The following IGHMBP2 variants were observed in gnomAD, a reference collection of about 807,000 sequenced individuals.
The protein encoded by IGHMBP2 is immunoglobulin mu DNA binding protein 2.
In IGHMBP2, 81 loss-of-function variants were observed where a neutral mutation model predicts 96.0. That is an observed-to-expected ratio of 0.84 (90% CI 0.71 to 1.01). The LOEUF (loss-of-function observed/expected upper bound fraction) is 1.01. IGHMBP2 is among the 50% of genes least tolerant of loss of function. The pLI is 0.00. For missense variants in IGHMBP2, 1,227 were observed against 1,306.3 expected, an observed-to-expected ratio of 0.94 and a Z score of 0.94; for synonymous variants, 557 against 548.9, an observed-to-expected ratio of 1.01 and a Z score of -0.21.
chr11:68,920,983 G>A (rs1858854319), intron 7 of IGHMBP2, among the ~76,000 whole-genome samples: 1 of 152,106 alleles, frequency 6.6e-6, no homozygotes, highest in African/African-American at 2.4e-5. Context: ...TCCTTTTAGA[G>A]ATGGGGTCTT....
chr11:68,909,164 AT>A (rs1417147181), intron 4 of IGHMBP2, among the ~76,000 whole-genome samples: 1 of 86,118 alleles, frequency 1.2e-5, no homozygotes, highest in Non-Finnish European at 2.0e-5. Context: ...AGTTAAAAAA[AT>A]TTTTTTTTGG....
chr11:68,908,889 G>T, intron 4 of IGHMBP2, among the ~76,000 whole-genome samples: 1 of 148,432 alleles, frequency 6.7e-6, no homozygotes, highest in African/African-American at 2.5e-5. Context: ...TGCCCAGGCT[G>T]GAGTGCAGTG....
intron 8 of IGHMBP2, chr11:68,930,042 C>G (rs907329508): frequency 2.6e-5 from 29 of 1,128,066 alleles, no homozygotes; most frequent in Non-Finnish European, 2.7e-5. Context: ...CCTCGCTGGC[C>G]CCTCTGCCTG....
rs1422328127 is a variant in IGHMBP2 at position 68,914,104 on chromosome 11, CT to C, written c.712-716del. 3.3e-5 allele frequency among the ~76,000 whole-genome samples: 5 copies of C among 152,242 alleles called. No homozygotes were observed. In the East Asian group the frequency reaches 7.7e-4, roughly 24 times the overall value. On this transcript the variant is annotated intron_variant, in intron 5 of 14. Coordinates refer to ENST00000255078, the MANE Select transcript of IGHMBP2 (RefSeq NM_002180.3). ...TGTAGTGGTCTGGTGATTTTCAGAT[CT>C]TTGATATTTTTTTGAGAGGCCTCAA... is the stretch of plus-strand genomic sequence containing the variant.
chr11:68,906,728 C>T (rs1386285720), intron 2 of IGHMBP2, among the ~76,000 whole-genome samples: 10 of 150,426 alleles, frequency 6.6e-5, no homozygotes, highest in South Asian at 6.3e-4. Flanking sequence ...CTGCAACCTC[C>T]GCCTCCGGGG....
At chr11:68,914,418 C>T (rs753504014) in intron 5 of IGHMBP2, among the ~76,000 whole-genome samples, 41 of 152,226 alleles carry the variant, frequency 2.7e-4, no homozygotes, top group Admixed American at 6.5e-4. Flanking sequence ...GGGAGTGGCT[C>T]GCTTCTTCAG....
chr11:68,920,592 C>G (rs1046076745), intron 7 of IGHMBP2, among the ~76,000 whole-genome samples: 1 of 152,212 alleles, frequency 6.6e-6, no homozygotes, highest in Admixed American at 6.5e-5. Context: ...AAGTGATTCT[C>G]CCACCTCAGC....
intron 4 of IGHMBP2, 38 bp from the exon 5 acceptor site, chr11:68,911,402 C>T: frequency 1.2e-6 from 2 of 1,608,922 alleles, no homozygotes; most frequent in Non-Finnish European, 1.7e-6. Flanking sequence ...CAGAGCTCCC[C>T]AGAGCACCTG....
intron 6 of IGHMBP2, among the ~76,000 whole-genome samples, chr11:68,916,805 A>T (rs912831871): frequency 6.6e-6 from 1 of 151,940 alleles, no homozygotes; most frequent in Non-Finnish European, 1.5e-5. Flanking sequence ...TGGTGGAGGA[A>T]TATGCATGAT....
In IGHMBP2 at chr11:68,938,410, C is replaced by G. The variant is rs1594458709; in HGVS notation, c.2784+56C>G. On this transcript the variant is annotated intron_variant, in intron 14 of 14. Coordinates refer to ENST00000255078, the MANE Select transcript of IGHMBP2 (RefSeq NM_002180.3). The stretch of plus-strand genomic sequence containing the variant: ...AGTGGGGAGGGGTGGTGGGTTCCGT[C>G]TCCAGGAAGCAGACCCTGGGCAGAC... 7.4e-6 allele frequency: 11 copies of G among 1,489,940 alleles called. No homozygotes were observed. In the East Asian group the frequency reaches 2.7e-4, roughly 37 times the overall value. 92.3% of individuals were successfully genotyped at this position (1,489,940 alleles called of 1,614,324 possible).
chr11:68,915,094 A>G, intron 6 of IGHMBP2, 71 bp downstream of exon 6: 1 of 1,133,716 alleles, frequency 8.8e-7, no homozygotes, highest in Non-Finnish European at 1.3e-6. Context: ...GAGCAAATTT[A>G]TCTGTCTGCA....
chr11:68,937,197 G>A, intron 13 of IGHMBP2, 106 bp downstream of exon 13: 2 of 1,388,778 alleles, frequency 1.4e-6, no homozygotes, highest in Non-Finnish European at 2.0e-6. Flanking sequence ...TCCTCCTGGT[G>A]GCACCGTGCC....
At chr11:68,904,442 A>G (rs958259981) in intron 1 of IGHMBP2, among the ~76,000 whole-genome samples, 1 of 152,024 alleles carries the variant, frequency 6.6e-6, no homozygotes, top group African/African-American at 2.4e-5. Flanking sequence ...CGATCCGGCC[A>G]GCGGCGGGCT....
chr11:68,906,461 T>C (rs1858198776), intron 2 of IGHMBP2: 3 of 582,280 alleles, frequency 5.2e-6, no homozygotes, highest in Non-Finnish European at 9.2e-6. Context: ...ATGTTTGAAG[T>C]GTGGCTTGTA....
rs1224198670 is a variant in IGHMBP2, at chr11:68,906,244, T to G, written c.256+6T>G. On this transcript the variant is annotated splice_donor_region_variant and intron_variant, in intron 2 of 14. Coordinates refer to ENST00000255078, the MANE Select transcript of IGHMBP2 (RefSeq NM_002180.3). Reference sequence around the variant, plus strand: ...CAGTAACAGCTTTACTTCTGGTGTGTGCGTATTGACCTAGACAGACATTGA... The same window carrying G: ...CAGTAACAGCTTTACTTCTGGTGTGGGCGTATTGACCTAGACAGACATTGA... The G allele has an allele frequency of 6.2e-7, 1 of 1,613,944 alleles. No individual in the cohort carries two copies. The highest frequency in any genetic ancestry group is 1.1e-5 in the South Asian group (1 of 91,072).
Position 68,934,524 on chromosome 11 carries a change from G to A in IGHMBP2, c.1598G>A (p.Arg533His), listed in dbSNP as rs369816416. 15 of 1,612,964 alleles carry A rather than the reference G, an allele frequency of 9.3e-6. No individual in the cohort carries two copies. In the African/African-American group the frequency reaches 9.3e-5, roughly 10 times the overall value. ...QALVDAGVPA[R>H]DIAVVSPYNL... ...CTGGTGGACGCTGGTGTTCCAGCCC[G>A]TGACATTGCTGTGGTCTCGCCATAC... Residue 533 changes from arginine (R) to histidine (H), a missense_variant, in exon 11 of 15, where the codon CGT becomes CAT. By Grantham distance (29) the Arg-to-His change is conservative (BLOSUM62 0). Around this residue, in one of 3 missense-constraint regions of IGHMBP2, gnomAD observed 703 missense variants for 770.3 expected, o/e 0.91. Transcript: ENST00000255078.
chr11:68,923,844 C>A (rs1858965990), intron 7 of IGHMBP2, among the ~76,000 whole-genome samples: 1 of 152,130 alleles, frequency 6.6e-6, no homozygotes, highest in Admixed American at 6.6e-5. Flanking sequence ...CGCAGCAGAT[C>A]TCTGGGGTTT....
At chr11:68,905,221 T>C (rs541542336) in intron 1 of IGHMBP2, among the ~76,000 whole-genome samples, 2 of 152,360 alleles carry the variant, frequency 1.3e-5, no homozygotes, top group Admixed American at 1.3e-4. Flanking sequence ...CTTCCAGAGT[T>C]TGCAGTCAGC....
intron 7 of IGHMBP2, among the ~76,000 whole-genome samples, chr11:68,919,187 CTCCCCG>C (rs11282962): frequency 2.0e-5 from 3 of 147,360 alleles, no homozygotes; most frequent in South Asian, 2.3e-4. Flanking sequence ...CTCCCCTCCC[CTCCCCG>C]TCCCCGTCCC....
Sources: allele counts gnomAD v4.1 joint callset (sites outside exome capture counted in the v4.1 genomes callset), GRCh38; gene constraint gnomAD v4.1.1; regional missense constraint gnomAD v4.1.1; transcripts MANE v1.5; gene names NCBI Gene and HGNC (gene_info 2026-07-23, HGNC 2026-07-21).